The following STIM1 variants were observed in gnomAD, a reference collection of about 807,000 sequenced individuals.
STIM1 encodes stromal interaction molecule 1.
Under a neutral mutation model 74.7 loss-of-function variants are expected in STIM1, and 25 were observed. The ratio of observed to expected loss-of-function variants is 0.33; its 90% CI spans 0.24 to 0.47. The LOEUF (loss-of-function observed/expected upper bound fraction) is 0.47, where lower values mean the gene tolerates loss of function less well. Among genes scored for constraint, STIM1 ranks in the 20% least tolerant of loss-of-function variants. The pLI is 1.00. For missense variants in STIM1, 728 were observed against 920.8 expected, an observed-to-expected ratio of 0.79 and a Z score of 2.71; for synonymous variants, 328 against 348.8, an observed-to-expected ratio of 0.94 and a Z score of 0.66.
chr11:4,055,365 TATAA>T (rs1269197893), intron 3 of STIM1, among the ~76,000 whole-genome samples, 157 bp from the exon 4 acceptor site: 2 of 152,234 alleles, frequency 1.3e-5, no homozygotes, highest in Non-Finnish European at 2.9e-5. Context: ...TAGGATTTCA[TATAA>T]ATAGACTCAC....
At chr11:4,016,003 C>T (rs59842937) in intron 2 of STIM1, among the ~76,000 whole-genome samples, 6,419 of 152,130 alleles carry the variant, frequency 0.042, 422 homozygotes, top group African/African-American at 0.14. Flanking sequence ...TCCTTTAGGT[C>T]GGAGAAGTTT....
chr11:4,049,799 GAGAC>G (rs2094225458), intron 3 of STIM1, among the ~76,000 whole-genome samples: 1 of 151,212 alleles, frequency 6.6e-6, no homozygotes, highest in African/African-American at 2.4e-5. Context: ...CAGACTGCCT[GAGAC>G]CAAATCTTGG....
At chr11:3,985,557 G>A (rs2093550920) in intron 2 of STIM1, among the ~76,000 whole-genome samples, 1 of 152,198 alleles carries the variant, frequency 6.6e-6, no homozygotes, top group African/African-American at 2.4e-5. Flanking sequence ...ACAGGACCTG[G>A]AAGTAAAAGC....
chr11:4,005,725 A>G (rs945606089), intron 2 of STIM1, among the ~76,000 whole-genome samples: 1 of 152,062 alleles, frequency 6.6e-6, no homozygotes, highest in Non-Finnish European at 1.5e-5. Flanking sequence ...AACTTAAAGT[A>G]TAATAATAAT....
At chr11:4,052,397 C>T (rs989687916) in intron 3 of STIM1, among the ~76,000 whole-genome samples, 2 of 152,122 alleles carry the variant, frequency 1.3e-5, no homozygotes, top group African/African-American at 4.8e-5. Context: ...GAGATCTAGA[C>T]CAATGGAGCA....
chr11:4,050,692 C>T (rs1302956028), intron 3 of STIM1, among the ~76,000 whole-genome samples: 2 of 152,056 alleles, frequency 1.3e-5, no homozygotes, highest in African/African-American at 4.8e-5. Context: ...GCTGACTGTC[C>T]CTTTTCCCCC....
chr11:4,063,525 A>G (rs2094345675), intron 5 of STIM1, among the ~76,000 whole-genome samples: 1 of 152,252 alleles, frequency 6.6e-6, no homozygotes, highest in African/African-American at 2.4e-5. Flanking sequence ...TAATGCTATT[A>G]TACACTTAAT....
intron 3 of STIM1, among the ~76,000 whole-genome samples, chr11:4,051,735 C>G (rs2094244075): frequency 6.6e-6 from 1 of 152,062 alleles, no homozygotes; most frequent in Non-Finnish European, 1.5e-5. Flanking sequence ...CAGGCTCAAT[C>G]TCCCAGGCTC....
intron 3 of STIM1, among the ~76,000 whole-genome samples, chr11:4,030,339 AAAAG>A (rs530230096): frequency 2.0e-5 from 3 of 150,766 alleles, no homozygotes; most frequent in Admixed American, 6.6e-5. Flanking sequence ...AAAAAAAAAA[AAAAG>A]AAAGAAAGAA....
chr11:4,073,295 T>C (rs1211132433), intron 6 of STIM1, among the ~76,000 whole-genome samples: 1 of 152,170 alleles, frequency 6.6e-6, no homozygotes, highest in Admixed American at 6.5e-5. Flanking sequence ...CGTTTTCTCT[T>C]CCAAAGGGAT....
At chr11:3,927,039 A>G (rs1462563783) in intron 1 of STIM1, among the ~76,000 whole-genome samples, 3 of 152,232 alleles carry the variant, frequency 2.0e-5, no homozygotes, top group East Asian at 1.9e-4. Flanking sequence ...TAAGGTTGCT[A>G]TGAAAAATTA....
At chr11:3,940,503 A>G (rs1187728638) in intron 1 of STIM1, among the ~76,000 whole-genome samples, 2 of 152,184 alleles carry the variant, frequency 1.3e-5, no homozygotes, top group Admixed American at 6.5e-5. Flanking sequence ...TTTCTGTAAA[A>G]TGGGGATAAT....
intron 2 of STIM1, among the ~76,000 whole-genome samples, chr11:4,002,262 A>T (rs923705358): frequency 2.0e-5 from 3 of 151,862 alleles, no homozygotes; most frequent in Non-Finnish European, 4.4e-5. Context: ...AGAACTCTCC[A>T]CCCCAAATCA....
rs572235712 is a variant in STIM1, at chr11:3,877,879, G to C, written c.139+21470G>C. On this transcript the variant is annotated intron_variant, in intron 1 of 12. Coordinates refer to ENST00000526596, the MANE Select transcript of STIM1 (RefSeq NM_001382567.1). ...CTGGGAATACCAGTCTCCTCTCTCT[G>C]ATCAGCATTTTAGACACTGATGCTT... is the stretch of plus-strand genomic sequence containing the variant. Among the ~76,000 whole-genome samples the C allele has an allele frequency of 2.0e-5, 3 of 152,288 alleles. No homozygotes were observed. In the East Asian group the frequency reaches 5.8e-4, roughly 29 times the overall value.
At chr11:4,040,263 A>G (rs2094138129) in intron 3 of STIM1, among the ~76,000 whole-genome samples, 2 of 152,178 alleles carry the variant, frequency 1.3e-5, no homozygotes, top group South Asian at 4.1e-4. Flanking sequence ...TTTAGCATAC[A>G]AGGTCCATGC....
intron 3 of STIM1, among the ~76,000 whole-genome samples, chr11:4,050,496 T>C (rs895710544): frequency 3.9e-5 from 6 of 152,242 alleles, no homozygotes; most frequent in African/African-American, 1.4e-4. Context: ...TATCTTTTAG[T>C]GGGTAATATT....
At chr11:3,982,216 G>A (rs1049003006) in intron 2 of STIM1, among the ~76,000 whole-genome samples, 1 of 151,688 alleles carries the variant, frequency 6.6e-6, no homozygotes, top group African/African-American at 2.4e-5. Context: ...TTGTAGAGAC[G>A]GGGTTTCGCC....
At chr11:3,872,414 G>T (rs1299738289) in intron 1 of STIM1, among the ~76,000 whole-genome samples, 1 of 152,190 alleles carries the variant, frequency 6.6e-6, no homozygotes, top group African/African-American at 2.4e-5. Flanking sequence ...ACACCAGTTG[G>T]AAGGGAGTGG....
intron 1 of STIM1, among the ~76,000 whole-genome samples, chr11:3,958,824 G>T (rs560630342): frequency 4.6e-5 from 7 of 151,826 alleles, no homozygotes; most frequent in African/African-American, 1.7e-4. Context: ...ACAAAAATTA[G>T]CCAGGCGTGG....
Sources: allele counts gnomAD v4.1 joint callset (sites outside exome capture counted in the v4.1 genomes callset), GRCh38; gene constraint gnomAD v4.1.1; transcripts MANE v1.5; gene names NCBI Gene and HGNC (gene_info 2026-07-23, HGNC 2026-07-21).